NALCN: variants seen among roughly 807,000 people sequenced by gnomAD.
The protein encoded by NALCN is sodium leak channel, non-selective.
In NALCN, 111 loss-of-function variants were observed where a neutral mutation model predicts 225.3. The ratio of observed to expected loss-of-function variants is 0.49; its 90% CI spans 0.42 to 0.58. The LOEUF is 0.58. Ranked by LOEUF, NALCN falls within the 20% of genes least tolerant of loss-of-function variation. The probability of loss-of-function intolerance (pLI) is 0.00; values close to 1 mark genes in which losing one functional copy is unlikely to be tolerated. For missense variants in NALCN, 1,378 were observed against 2,202.4 expected, an observed-to-expected ratio of 0.63 and a Z score of 7.49; for synonymous variants, 764 against 769.0, an observed-to-expected ratio of 0.99 and a Z score of 0.11.
At chr13:101,155,975 G>A (rs1006164704) in intron 15 of NALCN, among the ~76,000 whole-genome samples, 6 of 152,080 alleles carry the variant, frequency 3.9e-5, no homozygotes, top group African/African-American at 1.4e-4. Flanking sequence ...TATTCTGAGA[G>A]AATCAGTTGT....
chr13:101,056,337 C>A (rs1233190126), intron 43 of NALCN, among the ~76,000 whole-genome samples: 1 of 147,624 alleles, frequency 6.8e-6, no homozygotes, highest in Non-Finnish European at 1.5e-5. Flanking sequence ...CTTGGTTCAC[C>A]ACAACCTCTG....
Position 101,124,594 on chromosome 13 carries a change from T to TA in NALCN, c.2192+13_2192+14insT, listed in dbSNP as rs1296405499. The TA allele has an allele frequency of 4.4e-6, 7 of 1,606,926 alleles. No individual in the cohort carries two copies. The highest frequency in any genetic ancestry group is 6.0e-6 in the Non-Finnish European group (7 of 1,175,428). ...ACTTGTGTTTAAATATGTGTCAACA[T>TA]TAATTGGTGTTACCTTAAGATTTTA... is the stretch of plus-strand genomic sequence containing the variant. On this transcript the variant is annotated intron_variant, in intron 18 of 43. Transcript: ENST00000251127.
intron 6 of NALCN, 77 bp from the exon 7 acceptor site, chr13:101,345,497 T>C: frequency 6.6e-7 from 1 of 1,509,342 alleles, no homozygotes; most frequent in South Asian, 1.2e-5. Context: ...GTAATTACCC[T>C]TCATTAATAT....
At chr13:101,378,901 T>A (rs1339817964) in intron 3 of NALCN, among the ~76,000 whole-genome samples, 1 of 152,108 alleles carries the variant, frequency 6.6e-6, no homozygotes, top group Non-Finnish European at 1.5e-5. Flanking sequence ...TATCACTATT[T>A]TTTTTTTCTC....
intron 7 of NALCN, among the ~76,000 whole-genome samples, chr13:101,329,738 CTAAAAATA>C (rs1377658438): frequency 6.6e-6 from 1 of 151,822 alleles, no homozygotes; most frequent in Non-Finnish European, 1.5e-5. Context: ...CATGGGAATC[CTAAAAATA>C]TAAAAACATA....
intron 11 of NALCN, among the ~76,000 whole-genome samples, chr13:101,254,577 G>T (rs959237100): frequency 6.6e-6 from 1 of 151,854 alleles, no homozygotes; most frequent in African/African-American, 2.4e-5. Flanking sequence ...CTGGTTAACT[G>T]ATTTGCCGCT....
At chr13:101,255,294 A>T (rs2042194093) in intron 11 of NALCN, among the ~76,000 whole-genome samples, 1 of 152,224 alleles carries the variant, frequency 6.6e-6, no homozygotes, top group African/African-American at 2.4e-5. Flanking sequence ...TATGAGGATA[A>T]ATCATCTACC....
intron 15 of NALCN, among the ~76,000 whole-genome samples, chr13:101,156,867 A>C (rs146356326): frequency 6.6e-6 from 1 of 152,278 alleles, no homozygotes; most frequent in East Asian, 1.9e-4. Context: ...CTATTCCCTT[A>C]AGTAATTTCT....
At chr13:101,115,491 A>ATTT (rs2035662912) in intron 18 of NALCN, among the ~76,000 whole-genome samples, 1 of 152,230 alleles carries the variant, frequency 6.6e-6, no homozygotes. Flanking sequence ...GTGAGTAACT[A>ATTT]CAAAATTTGA....
At chr13:101,254,479 G>T (rs1265658463) in intron 11 of NALCN, among the ~76,000 whole-genome samples, 1 of 151,814 alleles carries the variant, frequency 6.6e-6, no homozygotes, top group Non-Finnish European at 1.5e-5. Flanking sequence ...ACACTGATGG[G>T]GTCTATCTGG....
chr13:101,395,640 A>G (rs2047270116), intron 2 of NALCN, among the ~76,000 whole-genome samples: 1 of 152,152 alleles, frequency 6.6e-6, no homozygotes, highest in African/African-American at 2.4e-5. Flanking sequence ...CAAAGACCCA[A>G]AGCATAGACG....
At chr13:101,057,753 G>A (rs1022925549) in intron 43 of NALCN, 186 bp downstream of exon 43, 2 of 619,472 alleles carry the variant, frequency 3.2e-6, no homozygotes. Flanking sequence ...GCTAATGTAA[G>A]TCATATTTAG....
intron 37 of NALCN, among the ~76,000 whole-genome samples, chr13:101,072,627 C>G (rs530705627): frequency 5.9e-5 from 9 of 152,000 alleles, no homozygotes; most frequent in African/African-American, 1.7e-4. Flanking sequence ...GCATGAAGTC[C>G]CAGCACTCCT....
intron 10 of NALCN, among the ~76,000 whole-genome samples, chr13:101,267,724 G>A (rs1362511968): frequency 2.0e-5 from 3 of 152,152 alleles, no homozygotes; most frequent in East Asian, 1.9e-4. Flanking sequence ...GCCAGCTGAC[G>A]AGTGGCTGAC....
chr13:101,177,401 A>C (rs2039000705), intron 14 of NALCN, among the ~76,000 whole-genome samples: 2 of 136,768 alleles, frequency 1.5e-5, no homozygotes, highest in African/African-American at 5.8e-5. Context: ...TTATAACAGT[A>C]AATACGAGTA....
chr13:101,365,272 T>C (rs2046350691), intron 6 of NALCN, among the ~76,000 whole-genome samples: 1 of 152,144 alleles, frequency 6.6e-6, no homozygotes, highest in Admixed American at 6.6e-5. Flanking sequence ...TGTTTAGCTC[T>C]CATTCATAAG....
At chr13:101,375,134 T>C (rs2046651805) in intron 6 of NALCN, among the ~76,000 whole-genome samples, 1 of 152,180 alleles carries the variant, frequency 6.6e-6, no homozygotes, top group Non-Finnish European at 1.5e-5. Flanking sequence ...GTTATCTCTA[T>C]TTTGGAGGAT....
chr13:101,327,237 C>T (rs1371559855), intron 7 of NALCN, among the ~76,000 whole-genome samples: 2 of 151,844 alleles, frequency 1.3e-5, no homozygotes, highest in African/African-American at 4.8e-5. Flanking sequence ...AATGATAGCG[C>T]TTTTGCATGT....
At chr13:101,220,869 T>C (rs2040910424) in intron 13 of NALCN, among the ~76,000 whole-genome samples, 1 of 152,208 alleles carries the variant, frequency 6.6e-6, no homozygotes, top group African/African-American at 2.4e-5. Context: ...TAAGAAATAC[T>C]TTCTAAGCCC....
Sources: gnomAD v4.1 joint callset for allele counts (sites outside exome capture counted in the v4.1 genomes callset) on GRCh38, gnomAD v4.1.1 for gene constraint, MANE v1.5 for transcripts, NCBI Gene and HGNC (gene_info 2026-07-23, HGNC 2026-07-21) for gene names.